Variants in AGBL4 observed in about 807,000 individuals in gnomAD.
AGBL4 encodes AGBL carboxypeptidase 4.
In AGBL4, 58 loss-of-function variants were observed where a neutral mutation model predicts 66.4. The observed-to-expected ratio is 0.87, with a 90% CI of 0.71 to 1.09. AGBL4 has a LOEUF of 1.09. AGBL4 is among the 50% of genes least tolerant of loss of function. AGBL4 has a pLI of 0.00. For missense variants in AGBL4, 579 were observed against 631.0 expected, an observed-to-expected ratio of 0.92 and a Z score of 0.88; for synonymous variants, 234 against 222.9, an observed-to-expected ratio of 1.05 and a Z score of -0.44.
intron 1 of AGBL4, among the ~76,000 whole-genome samples, chr1:49,886,769 T>G (rs555572237): frequency 1.3e-5 from 2 of 152,268 alleles, no homozygotes; most frequent in South Asian, 4.1e-4. Context: ...AGAATTTACA[T>G]ATGTAATCTT....
At chr1:48,969,516 A>G (rs1658736691) in intron 5 of AGBL4, among the ~76,000 whole-genome samples, 3 of 152,086 alleles carry the variant, frequency 2.0e-5, no homozygotes, top group South Asian at 2.1e-4. Context: ...GAGATTTGCA[A>G]AGATTAAATT....
chr1:49,879,669 A>G (rs1233547022), intron 1 of AGBL4, among the ~76,000 whole-genome samples: 1 of 141,792 alleles, frequency 7.1e-6, no homozygotes, highest in Non-Finnish European at 1.5e-5. Context: ...GAGTATCTTT[A>G]TGGCGTTCTC....
intron 6 of AGBL4, among the ~76,000 whole-genome samples, chr1:48,712,774 A>C (rs10888614): frequency 0.55 from 83,160 of 152,062 alleles, 25,675 homozygotes; most frequent in Non-Finnish European, 0.7. Context: ...TGTTTGATAA[A>C]AGATTAATGA....
At chr1:49,570,479 CT>C (rs1211319266) in intron 3 of AGBL4, among the ~76,000 whole-genome samples, 1 of 152,018 alleles carries the variant, frequency 6.6e-6, no homozygotes, top group Non-Finnish European at 1.5e-5. Context: ...CTTGTAAAGT[CT>C]GGGTATTAAT....
chr1:48,638,437 A>G (rs1645702707), intron 8 of AGBL4, among the ~76,000 whole-genome samples: 1 of 152,266 alleles, frequency 6.6e-6, no homozygotes, highest in Non-Finnish European at 1.5e-5. Context: ...TCTGGATTGC[A>G]TACATGAATT....
In AGBL4 at chr1:49,745,785, T is replaced by C. The variant is rs12089998; in HGVS notation, c.158-48348A>G. ...ACTGAAAAGATAGAAAATTTAACAA[T>C]AATTGAGACTTCAATATGTTGCCTA... On this transcript the variant is annotated intron_variant, in intron 2 of 13. Transcript: ENST00000371839. Among the ~76,000 whole-genome samples, 392 of 151,790 alleles carry C rather than the reference T, an allele frequency of 2.6e-3. 5 individuals carry two copies. Among genetic ancestry groups the C allele is most frequent in the African/African-American group, 8.9e-3 (368 of 41,448 alleles).
At position 49,242,376 on chromosome 1, in the gene AGBL4, C is replaced by T. The variant is rs182920918; in HGVS notation, c.377+3394G>A. 2.3e-3 allele frequency among the ~76,000 whole-genome samples: 348 copies of T among 152,068 alleles called. 1 individual carries two copies. The highest frequency in any genetic ancestry group is 3.4e-3 in the Non-Finnish European group (233 of 67,882). On this transcript the variant is annotated intron_variant, in intron 4 of 13. Transcript: ENST00000371839. Reference sequence around the variant, plus strand: ...CCACACAATAGCATGCTACTCCTTGCTTCTTTTTGTCTCCTTCTTCCAACA... The same window carrying T: ...CCACACAATAGCATGCTACTCCTTGTTTCTTTTTGTCTCCTTCTTCCAACA...
intron 8 of AGBL4, among the ~76,000 whole-genome samples, chr1:48,638,226 T>C (rs1421761402): frequency 2.6e-5 from 4 of 152,198 alleles, no homozygotes; most frequent in Non-Finnish European, 5.9e-5. Context: ...ACTTCCTCCA[T>C]CCTTCTCAGC....
At chr1:48,805,876 T>C (rs1263354787) in intron 6 of AGBL4, among the ~76,000 whole-genome samples, 1 of 152,208 alleles carries the variant, frequency 6.6e-6, no homozygotes, top group Non-Finnish European at 1.5e-5. Context: ...CTAAGGGCTG[T>C]TTAGCTTTGA....
intron 1 of AGBL4, among the ~76,000 whole-genome samples, chr1:49,933,533 T>C (rs1653585756): frequency 6.6e-6 from 1 of 152,118 alleles, no homozygotes; most frequent in Non-Finnish European, 1.5e-5. Context: ...AGAGTATAAA[T>C]AACTTGTCAT....
At chr1:49,728,631 G>C (rs1192183925) in intron 2 of AGBL4, among the ~76,000 whole-genome samples, 5 of 152,146 alleles carry the variant, frequency 3.3e-5, no homozygotes, top group Non-Finnish European at 7.4e-5. Context: ...GAGGTAAACA[G>C]GAATATGGGG....
At chr1:49,833,581 G>A (rs1645758299) in intron 2 of AGBL4, among the ~76,000 whole-genome samples, 1 of 151,670 alleles carries the variant, frequency 6.6e-6, no homozygotes, top group Non-Finnish European at 1.5e-5. Context: ...AATTACCTTG[G>A]GCAGTATGGC....
intron 4 of AGBL4, among the ~76,000 whole-genome samples, chr1:49,049,824 A>G (rs1309426246): frequency 1.3e-5 from 2 of 152,074 alleles, no homozygotes; most frequent in Non-Finnish European, 2.9e-5. Context: ...TATGATATCC[A>G]TGGAAAAATA....
At chr1:49,259,015 G>T (rs1461780772) in intron 3 of AGBL4, among the ~76,000 whole-genome samples, 5 of 152,106 alleles carry the variant, frequency 3.3e-5, no homozygotes, top group African/African-American at 9.7e-5. Flanking sequence ...CATTCTTAAA[G>T]AAAATAATTT....
chr1:49,257,576 C>T (rs1652646490), intron 3 of AGBL4: 1 of 152,836 alleles, frequency 6.5e-6, no homozygotes, highest in South Asian at 2.1e-4. Context: ...GCTGTCACCC[C>T]TTTCCTTGAC....
At chr1:49,659,309 A>G (rs1010247706) in intron 3 of AGBL4, among the ~76,000 whole-genome samples, 5 of 152,188 alleles carry the variant, frequency 3.3e-5, no homozygotes, top group Non-Finnish European at 7.3e-5. Flanking sequence ...TTTCACACAT[A>G]ATAATATTAA....
At chr1:49,019,308 C>T (rs948940591) in intron 5 of AGBL4, among the ~76,000 whole-genome samples, 4 of 152,128 alleles carry the variant, frequency 2.6e-5, no homozygotes, top group African/African-American at 9.7e-5. Context: ...TAACACCTCC[C>T]TGCTCCTCTC....
intron 3 of AGBL4, among the ~76,000 whole-genome samples, chr1:49,452,650 A>G (rs2148684357): frequency 6.6e-6 from 1 of 151,958 alleles, no homozygotes; most frequent in Non-Finnish European, 1.5e-5. Flanking sequence ...CTGATACTCT[A>G]ATAGACAGAA....
In AGBL4 at chr1:48,587,143, G is replaced by C. The variant is rs779574934; in HGVS notation, c.1128C>G (p.Asp376Glu). ...FSYSSTSFNR[D>E]AVKAGTGRRF... is the part of the protein sequence containing the mutation. ...GACGGCCAGTTCCTGCTTTCACAGC[G>C]TCCCGGTTAAAGGATGTGCTGGACT... The change falls in exon 11 of 14, where the codon GAC becomes GAG. Residue 376 changes from aspartate (D) to glutamate (E), a missense_variant. By Grantham distance (45) the Asp-to-Glu change is conservative. Transcript: ENST00000371839. 1.3e-6 allele frequency: 2 copies of C among 1,556,662 alleles called. No individual in the cohort carries two copies. The highest frequency in any genetic ancestry group is 4.8e-5 in the East Asian group (2 of 41,280).
Sources: gnomAD v4.1 joint callset for allele counts (sites outside exome capture counted in the v4.1 genomes callset) on GRCh38, gnomAD v4.1.1 for gene constraint, MANE v1.5 for transcripts, NCBI Gene and HGNC (gene_info 2026-07-23, HGNC 2026-07-21) for gene names.